The following PPP1R21 variants were observed in gnomAD, a reference collection of about 807,000 sequenced individuals.
PPP1R21 encodes the protein KLRAQ motif containing 1.
Under a neutral mutation model 112.8 loss-of-function variants are expected in PPP1R21, and 85 were observed. That is an observed-to-expected ratio of 0.75 (90% confidence interval 0.63 to 0.90). The LOEUF (loss-of-function observed/expected upper bound fraction) is 0.90. Ranked by LOEUF, PPP1R21 falls within the 40% of genes least tolerant of loss-of-function variation. The pLI, the probability that PPP1R21 is intolerant of heterozygous loss-of-function variation, is 0.00. For synonymous variants in PPP1R21, 381 were observed against 322.3 expected (o/e 1.18, Z -1.95); for missense variants, 1,199 against 901.5 (o/e 1.33, Z -4.23).
At chr2:48,451,166 C>T (rs772408107) in intron 2 of PPP1R21, 90 bp downstream of exon 2, 48 of 959,324 alleles carry the variant, frequency 5.0e-5, no homozygotes, top group South Asian at 9.1e-5. Flanking sequence ...GTTAAAGTTC[C>T]AACTCTGACA....
At chr2:48,491,202 A>G in intron 15 of PPP1R21, 32 bp downstream of exon 15, 1 of 1,597,452 alleles carries the variant, frequency 6.3e-7, no homozygotes. Flanking sequence ...TTTAAATCAG[A>G]GGAAACATCA....
chr2:48,506,104 A>G (rs1161562959), intron 18 of PPP1R21, among the ~76,000 whole-genome samples: 1 of 152,092 alleles, frequency 6.6e-6, no homozygotes, highest in Non-Finnish European at 1.5e-5. Context: ...TTATTTATTT[A>G]TTTATTTAGA....
intron 12 of PPP1R21, 65 bp from the exon 13 acceptor site, chr2:48,479,859 A>G (rs1668928278): frequency 1.0e-6 from 1 of 953,116 alleles, no homozygotes; most frequent in Non-Finnish European, 1.7e-6. Flanking sequence ...TCCCAAAAGT[A>G]GAGGGATACA....
intron 4 of PPP1R21, among the ~76,000 whole-genome samples, chr2:48,459,241 C>G (rs951649815): frequency 6.6e-6 from 1 of 151,958 alleles, no homozygotes; most frequent in Non-Finnish European, 1.5e-5. Context: ...TTTTTGACCA[C>G]AGTGTATTTT....
chr2:48,450,156 C>G (rs1376804674), intron 1 of PPP1R21, among the ~76,000 whole-genome samples: 1 of 152,214 alleles, frequency 6.6e-6, no homozygotes, highest in Non-Finnish European at 1.5e-5. Context: ...TCTCACCTCT[C>G]CAGCTCACTG....
intron 12 of PPP1R21, among the ~76,000 whole-genome samples, chr2:48,476,653 A>T (rs1204919204): frequency 6.6e-6 from 1 of 152,130 alleles, no homozygotes; most frequent in Non-Finnish European, 1.5e-5. Flanking sequence ...GTGGGTATTA[A>T]CTGGTATCTC....
At chr2:48,462,125 G>A (rs1489025374) in intron 7 of PPP1R21, among the ~76,000 whole-genome samples, 2 of 152,140 alleles carry the variant, frequency 1.3e-5, no homozygotes, top group African/African-American at 4.8e-5. Flanking sequence ...CAATCATTAG[G>A]TTTTAATAAT....
intron 15 of PPP1R21, 141 bp from the exon 16 acceptor site, chr2:48,495,538 C>T (rs533794698): frequency 4.7e-5 from 27 of 574,338 alleles, no homozygotes; most frequent in South Asian, 4.4e-4. Flanking sequence ...TTCGTTTTCA[C>T]GTGTATTAAA....
intron 21 of PPP1R21, among the ~76,000 whole-genome samples, chr2:48,512,921 T>G (rs375272818): frequency 1.3e-4 from 20 of 152,340 alleles, no homozygotes; most frequent in African/African-American, 4.8e-4. Flanking sequence ...TCACAAGTTA[T>G]ATTCTTAGTA....
chr2:48,461,428 A>C (rs1008331690), intron 7 of PPP1R21, among the ~76,000 whole-genome samples, 196 bp downstream of exon 7: 1 of 152,194 alleles, frequency 6.6e-6, no homozygotes, highest in East Asian at 1.9e-4. Context: ...TAACTACTCC[A>C]AAGCTGGTCT....
chr2:48,506,092 CTTTA>C (rs764136068), intron 18 of PPP1R21, among the ~76,000 whole-genome samples: 4 of 152,100 alleles, frequency 2.6e-5, no homozygotes, highest in African/African-American at 7.2e-5. Flanking sequence ...TAAGATGTAA[CTTTA>C]TTTATTTATT....
chr2:48,513,718 A>G (rs1277835937), intron 21 of PPP1R21, among the ~76,000 whole-genome samples: 1 of 152,080 alleles, frequency 6.6e-6, no homozygotes, highest in Non-Finnish European at 1.5e-5. Flanking sequence ...AACATCCTCA[A>G]CCATTTGTTT....
chr2:48,481,403 G>C (rs1669005969), intron 13 of PPP1R21, among the ~76,000 whole-genome samples: 1 of 152,240 alleles, frequency 6.6e-6, no homozygotes, highest in Admixed American at 6.5e-5. Context: ...CTCCAGTCCT[G>C]CAGAATTTAG....
intron 11 of PPP1R21, among the ~76,000 whole-genome samples, chr2:48,473,875 T>A (rs1249872645): frequency 6.6e-6 from 1 of 152,228 alleles, no homozygotes; most frequent in African/African-American, 2.4e-5. Context: ...AAATGCATTT[T>A]ATGAATGTTA....
chr2:48,497,789 C>A (rs933176562), intron 16 of PPP1R21, among the ~76,000 whole-genome samples: 1 of 151,802 alleles, frequency 6.6e-6, no homozygotes, highest in African/African-American at 2.4e-5. Flanking sequence ...GTAGCTGGGA[C>A]TACAGGCGCC....
At chr2:48,467,602 G>A (rs1668261612) in intron 9 of PPP1R21, among the ~76,000 whole-genome samples, 1 of 152,188 alleles carries the variant, frequency 6.6e-6, no homozygotes, top group African/African-American at 2.4e-5. Flanking sequence ...GTTTCTTATT[G>A]CCTGGCTCTT....
intron 12 of PPP1R21, among the ~76,000 whole-genome samples, chr2:48,479,249 C>T (rs1558475569): frequency 6.6e-6 from 1 of 152,170 alleles, no homozygotes; most frequent in Non-Finnish European, 1.5e-5. Context: ...AAATCCAGAC[C>T]TCTTTAGGAG....
At chr2:48,472,944 A>AG (rs1458411272) in intron 11 of PPP1R21, among the ~76,000 whole-genome samples, 3 of 151,048 alleles carry the variant, frequency 2.0e-5, no homozygotes. Flanking sequence ...TTAAAAAAAA[A>AG]AAAAAGAAAA....
intron 14 of PPP1R21, among the ~76,000 whole-genome samples, chr2:48,487,339 T>C (rs1038394627): frequency 3.9e-5 from 6 of 152,214 alleles, no homozygotes; most frequent in African/African-American, 1.4e-4. Context: ...TGGTTTTGTA[T>C]CTAAACAAGT....
Sources: gnomAD v4.1 joint callset for allele counts (sites outside exome capture counted in the v4.1 genomes callset) on GRCh38, gnomAD v4.1.1 for gene constraint, MANE v1.5 for transcripts, NCBI Gene and HGNC (gene_info 2026-07-23, HGNC 2026-07-21) for gene names.